TNK2: variants seen among roughly 807,000 people sequenced by gnomAD.
TNK2 encodes activated CDC42 kinase 1.
A neutral mutation model predicts 101.8 loss-of-function variants in TNK2; 83 were observed. The ratio of observed to expected loss-of-function variants is 0.82; its 90% CI spans 0.68 to 0.98. The LOEUF (loss-of-function observed/expected upper bound fraction) is 0.98. Ranked by LOEUF, TNK2 falls within the 50% of genes least tolerant of loss-of-function variation. TNK2 has a pLI of 0.00. For synonymous variants in TNK2, 804 were observed against 633.0 expected, an observed-to-expected ratio of 1.27 and a Z score of -4.06; for missense variants, 1,665 against 1,483.2, an observed-to-expected ratio of 1.12 and a Z score of -2.01.
At position 195,873,122 on chromosome 3, in the gene TNK2, G is replaced by A. The variant is rs1218507561; in HGVS notation, c.1257-652C>T. ...TCCACCACCTCCCGGAAGGCCTGCG[G>A]GAGCCTCCCCGTCTCCTCAGGAGGG... On this transcript the variant is annotated intron_variant, in intron 9 of 15. Transcript: ENST00000672887. Among the ~76,000 whole-genome samples the A allele has an allele frequency of 2.0e-5, 3 of 152,164 alleles. No individual in the cohort carries two copies. The East Asian group carries it at 5.8e-4, about 29-fold the overall frequency.
Position 195,899,333 on chromosome 3 carries a change from A to AT in TNK2, c.-19+9151dup, listed in dbSNP as rs113651392. Among the ~76,000 whole-genome samples, 299 of 147,216 alleles carry AT rather than the reference A, an allele frequency of 2.0e-3. 1 individual carries two copies. Among genetic ancestry groups the AT allele is most frequent in the South Asian group, 3.6e-3 (17 of 4,658 alleles). On this transcript the variant is annotated intron_variant, in intron 1 of 15. Coordinates refer to ENST00000672887, the MANE Select transcript of TNK2 (RefSeq NM_001382273.1). ...ATACATGTGAAAAATAGCCAAAATA[A>AT]TTTTTTTTTTTTGAGATGGAGTCTT...
intron 15 of TNK2, among the ~76,000 whole-genome samples, chr3:195,864,811 G>C (rs1441966254): frequency 7.4e-6 from 1 of 135,220 alleles, no homozygotes; most frequent in East Asian, 2.3e-4. Flanking sequence ...CAGGTGACAC[G>C]GAGTGCCTGC....
At chr3:195,905,302 C>T (rs189438782) in intron 1 of TNK2, among the ~76,000 whole-genome samples, 1 of 152,216 alleles carries the variant, frequency 6.6e-6, no homozygotes, top group African/African-American at 2.4e-5. Context: ...CGGGTTCATG[C>T]GATTCTCCTG....
At chr3:195,904,262 TAAAA>T (rs35186478) in intron 1 of TNK2, among the ~76,000 whole-genome samples, 3 of 125,314 alleles carry the variant, frequency 2.4e-5, no homozygotes, top group Non-Finnish European at 5.1e-5. Flanking sequence ...ACCTTGTCTT[TAAAA>T]AAAAAAAAAA....
chr3:195,887,598 C>T (rs952896268), intron 2 of TNK2, among the ~76,000 whole-genome samples: 1 of 152,058 alleles, frequency 6.6e-6, no homozygotes, highest in African/African-American at 2.4e-5. Context: ...ACCTATTTAG[C>T]TATTTTAACT....
chr3:195,899,694 A>G (rs1287953093), intron 1 of TNK2, among the ~76,000 whole-genome samples: 1 of 151,962 alleles, frequency 6.6e-6, no homozygotes, highest in Non-Finnish European at 1.5e-5. Flanking sequence ...TATTCCTGTA[A>G]CTCTTTGTAT....
At chr3:195,893,298 G>T (rs1394395105) in intron 1 of TNK2, among the ~76,000 whole-genome samples, 1 of 151,894 alleles carries the variant, frequency 6.6e-6, no homozygotes, top group Non-Finnish European at 1.5e-5. Flanking sequence ...TGCCAGAGTG[G>T]GGCAGTCCAG....
intron 9 of TNK2, among the ~76,000 whole-genome samples, chr3:195,877,117 G>A (rs529191741): frequency 5.3e-5 from 8 of 152,190 alleles, no homozygotes; most frequent in East Asian, 3.9e-4. Context: ...TCCCCGGAGC[G>A]CCACGCTTGC....
In TNK2 at chr3:195,878,909, AGGCACGGGAAGTGGGG is replaced by A; in HGVS notation, c.1014+124_1014+139del. On this transcript the variant is annotated intron_variant, in intron 7 of 15. Transcript: ENST00000672887. This position sits in a 1 kb window ranked among gnomAD's most constrained non-coding sequence, Gnocchi z 4.7. ...GAGAGGAGACACGGGGCGTGGTGGG[AGGCACGGGAAGTGGGG>A]GGAGGCACGGGGCGTGGGAGGAGGG... 7.5e-7 allele frequency: 1 copy of A among 1,330,468 alleles called. No homozygotes were observed. The highest frequency in any genetic ancestry group is 1.3e-5 in the South Asian group (1 of 74,216). 82.4% of individuals were successfully genotyped at this position (1,330,468 alleles called of 1,614,324 possible). A position where few individuals can be genotyped will look rare whatever the true frequency, so the allele number is the denominator to read the frequency against.
chr3:195,883,182 A>T lies in TNK2; in HGVS notation c.584T>A (p.Val195Glu). 6.3e-7 allele frequency: 1 copy of T among 1,596,360 alleles called. No homozygotes were observed. The highest frequency in any genetic ancestry group is 8.5e-7 in the Non-Finnish European group (1 of 1,175,320). ...CATCTTCATGGGCGGCGTGAGCACC[A>T]CCCCGTAGAGGCGGATGAGGTTTCG... ...DHRNLIRLYG[V>E]VLTPPMKMVT... The change falls in exon 5 of 16, where the codon GTG becomes GAG. Residue 195 changes from valine (V) to glutamate (E), a missense_variant. Val to Glu is a moderately radical substitution (Grantham distance 121). This residue lies in a region of TNK2 where 490 missense variants were observed against 522.5 expected (regional missense o/e 0.94). Transcript: ENST00000672887.
chr3:195,874,046 G>A (rs1157530087), intron 9 of TNK2, among the ~76,000 whole-genome samples: 3 of 152,166 alleles, frequency 2.0e-5, no homozygotes, highest in South Asian at 2.1e-4. Flanking sequence ...TCCCCAGCAC[G>A]CACACAGCCT....
intron 1 of TNK2, among the ~76,000 whole-genome samples, chr3:195,902,844 G>A (rs1014512352): frequency 3.3e-5 from 5 of 151,716 alleles, no homozygotes; most frequent in Admixed American, 6.6e-5. Flanking sequence ...CCACCTCCTG[G>A]GTTCAAGCGA....
rs774909230 is a variant in TNK2, at chr3:195,878,896, G to A, written c.1014+153C>T. On this transcript the variant is annotated intron_variant, in intron 7 of 15. Transcript: ENST00000672887. The surrounding 1 kb of genome is among the most constrained non-coding windows in gnomAD (Gnocchi z 4.7). Reference sequence around the variant, plus strand: ...AGATACGGGGCGTGAGAGGAGACACGGGGCGTGGTGGGAGGCACGGGAAGT... The same window carrying A: ...AGATACGGGGCGTGAGAGGAGACACAGGGCGTGGTGGGAGGCACGGGAAGT... 5.8e-4 allele frequency among the ~76,000 whole-genome samples: 89 copies of A among 152,146 alleles called. No individual in the cohort carries two copies. Among genetic ancestry groups the A allele is most frequent in the Non-Finnish European group, 9.7e-4 (66 of 68,022 alleles).
intron 9 of TNK2, among the ~76,000 whole-genome samples, chr3:195,873,265 T>C (rs900932820): frequency 2.6e-5 from 4 of 151,966 alleles, no homozygotes; most frequent in Admixed American, 1.3e-4. Context: ...AGCCGGGGCC[T>C]GGGCAGGGGC....
chr3:195,873,061 T>A (rs951566533), intron 9 of TNK2, among the ~76,000 whole-genome samples: 5 of 151,938 alleles, frequency 3.3e-5, no homozygotes, highest in African/African-American at 1.2e-4. Flanking sequence ...GGCAACTCAG[T>A]CCCTCCCTCC....
intron 1 of TNK2, among the ~76,000 whole-genome samples, chr3:195,899,390 G>A (rs532130507): frequency 3.9e-5 from 6 of 152,104 alleles, no homozygotes; most frequent in African/African-American, 9.6e-5. Flanking sequence ...GCCATGGCGC[G>A]ATCTCGGCTG....
intron 1 of TNK2, among the ~76,000 whole-genome samples, chr3:195,893,276 C>T (rs1031152389): frequency 3.3e-5 from 5 of 151,686 alleles, no homozygotes; most frequent in African/African-American, 9.7e-5. Flanking sequence ...CGGAAATAGG[C>T]GGCCGGCAGC....
chr3:195,892,609 C>G, intron 1 of TNK2: 5 of 1,450,666 alleles, frequency 3.4e-6, no homozygotes, highest in Non-Finnish European at 4.5e-6. Context: ...TGAGGAAGAA[C>G]GGGGTGGGCC....
chr3:195,898,782 T>C (rs1166812166), intron 1 of TNK2, among the ~76,000 whole-genome samples: 1 of 152,072 alleles, frequency 6.6e-6, no homozygotes, highest in East Asian at 1.9e-4. Context: ...CCAGCCACCA[T>C]GTCCGGATGC....
Sources: allele counts gnomAD v4.1 joint callset (sites outside exome capture counted in the v4.1 genomes callset), GRCh38; gene constraint gnomAD v4.1.1; regional missense constraint gnomAD v4.1.1; non-coding constraint Gnocchi (gnomAD v3.1); transcripts MANE v1.5; gene names NCBI Gene and HGNC (gene_info 2026-07-23, HGNC 2026-07-21).